The following SLC25A21 variants were observed in gnomAD, a reference collection of about 807,000 sequenced individuals.
The protein encoded by SLC25A21 is solute carrier family 25 member 21.
In SLC25A21, 47 loss-of-function variants were observed where a neutral mutation model predicts 43.8. The ratio of observed to expected loss-of-function variants is 1.07; its 90% CI spans 0.85 to 1.37. SLC25A21 has a LOEUF of 1.37. Among genes scored for constraint, SLC25A21 ranks in the 40% most tolerant of loss-of-function variants. The pLI is 0.00. For missense variants in SLC25A21, 352 were observed against 350.2 expected, an observed-to-expected ratio of 1.00 and a Z score of -0.04; for synonymous variants, 131 against 121.3, an observed-to-expected ratio of 1.08 and a Z score of -0.52.
At chr14:37,077,134 G>A (rs1206703675) in intron 1 of SLC25A21, among the ~76,000 whole-genome samples, 1 of 152,176 alleles carries the variant, frequency 6.6e-6, no homozygotes, top group Non-Finnish European at 1.5e-5. Flanking sequence ...GTATTTGCCA[G>A]AAGATATAGT....
intron 1 of SLC25A21, among the ~76,000 whole-genome samples, chr14:37,078,383 A>C (rs570066480): frequency 6.6e-6 from 1 of 152,148 alleles, no homozygotes; most frequent in South Asian, 2.1e-4. Flanking sequence ...CCCACAGGGG[A>C]AAACAGAAAA....
At chr14:36,847,933 T>C (rs1889597782) in intron 2 of SLC25A21, among the ~76,000 whole-genome samples, 2 of 152,126 alleles carry the variant, frequency 1.3e-5, no homozygotes, top group Admixed American at 6.5e-5. Flanking sequence ...GGCTTGAATA[T>C]AGACCAACAG....
intron 1 of SLC25A21, among the ~76,000 whole-genome samples, chr14:36,939,574 C>T (rs1892506939): frequency 6.6e-6 from 1 of 152,090 alleles, no homozygotes; most frequent in African/African-American, 2.4e-5. Context: ...TCTCTCCTTT[C>T]TCCCAACTTC....
chr14:36,874,771 C>T (rs1890470652), intron 2 of SLC25A21, among the ~76,000 whole-genome samples, 185 bp downstream of exon 2: 1 of 152,212 alleles, frequency 6.6e-6, no homozygotes, highest in South Asian at 2.1e-4. Flanking sequence ...AGATGACCTT[C>T]ACCCAGAAAT....
chr14:36,712,873 C>T (rs1883946789), intron 6 of SLC25A21, among the ~76,000 whole-genome samples: 1 of 152,164 alleles, frequency 6.6e-6, no homozygotes, highest in Admixed American at 6.5e-5. Flanking sequence ...ACTTTCACCC[C>T]CAAATCATTA....
intron 1 of SLC25A21, among the ~76,000 whole-genome samples, chr14:37,084,327 T>C (rs1962443479): frequency 1.3e-5 from 2 of 152,200 alleles, no homozygotes; most frequent in Admixed American, 1.3e-4. Context: ...TCAGATGATA[T>C]ACTCCTCCTT....
At chr14:37,144,795 T>G (rs537248342) in intron 1 of SLC25A21, among the ~76,000 whole-genome samples, 1 of 150,938 alleles carries the variant, frequency 6.6e-6, no homozygotes, top group East Asian at 2.0e-4. Flanking sequence ...TTTTTTTTTT[T>G]GTTTTTTTAG....
intron 1 of SLC25A21, among the ~76,000 whole-genome samples, chr14:37,055,079 G>A (rs370912520): frequency 3.9e-5 from 6 of 152,166 alleles, no homozygotes; most frequent in South Asian, 4.1e-4. Context: ...CGTCAACTGC[G>A]GAAATCTTAT....
intron 1 of SLC25A21, among the ~76,000 whole-genome samples, chr14:37,019,744 C>G (rs1290851372): frequency 2.0e-5 from 3 of 151,720 alleles, no homozygotes; most frequent in Non-Finnish European, 4.4e-5. Flanking sequence ...GAGTAACAAC[C>G]CACTGAGGCT....
chr14:36,738,315 CT>C (rs34545015), intron 3 of SLC25A21, among the ~76,000 whole-genome samples: 47 of 150,564 alleles, frequency 3.1e-4, no homozygotes, highest in Non-Finnish European at 2.7e-4. Context: ...GAAGCAGATA[CT>C]TTTTTTTTTC....
chr14:36,685,407 C>T (rs752463258), intron 7 of SLC25A21, among the ~76,000 whole-genome samples: 9 of 152,110 alleles, frequency 5.9e-5, no homozygotes, highest in Non-Finnish European at 1.2e-4. Flanking sequence ...TGCTATTGCC[C>T]GCCAGGTTTT....
chr14:36,946,902 ATAT>A lies in SLC25A21; in HGVS notation c.71-71901_71-71899del, dbSNP rs1029185291. ...ATTTTATATGTGTTTATCTGGCATA[ATAT>A]TATAGTATTTTTTCAGTCTGTCTTG... On this transcript the variant is annotated intron_variant, in intron 1 of 9. Transcript: ENST00000331299. 1.4e-3 allele frequency among the ~76,000 whole-genome samples: 219 copies of A among 152,262 alleles called. 1 individual carries two copies. Among genetic ancestry groups the A allele is most frequent in the African/African-American group, 5.0e-3 (206 of 41,546 alleles).
chr14:36,856,816 A>T (rs1889912906), intron 2 of SLC25A21, among the ~76,000 whole-genome samples: 2 of 152,322 alleles, frequency 1.3e-5, no homozygotes, highest in East Asian at 3.9e-4. Context: ...CTGGAAGCAC[A>T]TCCCACATAG....
chr14:36,680,449 ATTT>A lies in SLC25A21; in HGVS notation c.*206_*208del. ...TTTAAATACCTCATTGTTTCATATT[ATTT>A]TTTTCTTCTCACAGTTTTATTTATA... On this transcript the variant is annotated 3_prime_UTR_variant, in exon 10 of 10. Transcript: ENST00000331299. 8.4e-7 allele frequency: 1 copy of A among 1,190,782 alleles called. No individual in the cohort carries two copies. The highest frequency in any genetic ancestry group is 1.6e-5 in the African/African-American group (1 of 63,448). 73.8% of individuals were successfully genotyped at this position (1,190,782 alleles called of 1,614,324 possible).
chr14:37,068,926 G>A (rs538446760), intron 1 of SLC25A21, among the ~76,000 whole-genome samples: 2 of 152,262 alleles, frequency 1.3e-5, no homozygotes, highest in East Asian at 1.9e-4. Context: ...TGTAATCCCA[G>A]CACTTTGGGA....
intron 3 of SLC25A21, among the ~76,000 whole-genome samples, chr14:36,800,455 T>A (rs1418207341): frequency 2.0e-5 from 3 of 152,342 alleles, no homozygotes; most frequent in Non-Finnish European, 4.4e-5. Context: ...AGGTACATTA[T>A]GTTAAGTGAA....
At chr14:36,872,522 A>C (rs1890403978) in intron 2 of SLC25A21, among the ~76,000 whole-genome samples, 1 of 152,178 alleles carries the variant, frequency 6.6e-6, no homozygotes, top group Non-Finnish European at 1.5e-5. Context: ...CCTAGGTGAT[A>C]AATCCTATCA....
At position 37,090,167 on chromosome 14, in the gene SLC25A21, A is replaced by C. The variant is rs116333046; in HGVS notation, c.70+82114T>G. 3.5e-3 allele frequency among the ~76,000 whole-genome samples: 537 copies of C among 152,322 alleles called. 3 individuals are homozygous for C. The highest frequency in any genetic ancestry group is 0.012 in the African/African-American group (502 of 41,578). ...ATTCTTACATGAAAAGCTCCTTCTC[A>C]GGCAATATTCTCCTTTAGGGCATCT... On this transcript the variant is annotated intron_variant, in intron 1 of 9. Transcript: ENST00000331299.
At chr14:36,861,503 T>C (rs1890064441) in intron 2 of SLC25A21, among the ~76,000 whole-genome samples, 1 of 152,198 alleles carries the variant, frequency 6.6e-6, no homozygotes, top group African/African-American at 2.4e-5. Flanking sequence ...TCAGGTTTTC[T>C]CACGCTGCAG....
Sources: gnomAD v4.1 joint callset for allele counts (sites outside exome capture counted in the v4.1 genomes callset) on GRCh38, gnomAD v4.1.1 for gene constraint, MANE v1.5 for transcripts, NCBI Gene and HGNC (gene_info 2026-07-23, HGNC 2026-07-21) for gene names.